The following CADPS2 variants were observed in gnomAD, a reference collection of about 807,000 sequenced individuals.
CADPS2 encodes the protein calcium-dependent secretion activator 2.
CADPS2 carries 93 observed loss-of-function variants against 172.5 expected under a neutral mutation model. That is an observed-to-expected ratio of 0.54 (90% CI 0.46 to 0.64). The LOEUF (loss-of-function observed/expected upper bound fraction) is 0.64, where lower values mean the gene tolerates loss of function less well. CADPS2 is among the 30% of genes least tolerant of loss of function. The probability of loss-of-function intolerance (pLI) is 0.00; values close to 1 mark genes in which losing one functional copy is unlikely to be tolerated. For missense variants in CADPS2, 1,420 were observed against 1,565.9 expected, an observed-to-expected ratio of 0.91 and a Z score of 1.57; for synonymous variants, 546 against 555.2, an observed-to-expected ratio of 0.98 and a Z score of 0.23.
At chr7:122,406,104 C>T (rs2046606217) in intron 20 of CADPS2, among the ~76,000 whole-genome samples, 1 of 152,090 alleles carries the variant, frequency 6.6e-6, no homozygotes, top group South Asian at 2.1e-4. Context: ...AACCTGGTGC[C>T]CTAAATTTAG....
rs1158108393 is a variant in CADPS2, at chr7:122,564,832, CACAT to C, written c.1336-10147_1336-10144del. Among the ~76,000 whole-genome samples the C allele has an allele frequency of 5.3e-5, 6 of 113,906 alleles. No individual in the cohort carries two copies. In the East Asian group the frequency reaches 1.0e-3, roughly 20 times the overall value. The allele number at this position is 113,906 out of a possible 152,430, so 74.7% of individuals were successfully genotyped here. On this transcript the variant is annotated intron_variant, in intron 7 of 29. Transcript: ENST00000449022. ...AAACATATGTGTGTACACAGACACA[CACAT>C]ACACACACATGCACACACACACACA... is the stretch of plus-strand genomic sequence containing the variant.
At chr7:122,737,154 A>G (rs2092214807) in intron 1 of CADPS2, 86 bp from the exon 2 acceptor site, 1 of 688,820 alleles carries the variant, frequency 1.5e-6, no homozygotes, top group African/African-American at 1.8e-5. Flanking sequence ...GCTGTATATT[A>G]GATTTCACAT....
At chr7:122,766,688 C>T (rs924934012) in intron 1 of CADPS2, among the ~76,000 whole-genome samples, 4 of 152,082 alleles carry the variant, frequency 2.6e-5, no homozygotes, top group Non-Finnish European at 4.4e-5. Flanking sequence ...AAAAGTAAAG[C>T]TCAAGCAGTG....
intron 2 of CADPS2, chr7:122,702,933 T>A: frequency 1.9e-6 from 1 of 537,420 alleles, no homozygotes; most frequent in South Asian, 2.9e-5. Flanking sequence ...ATCTTTCTCA[T>A]AATGAAACAA....
At chr7:122,562,827 C>T (rs1377587339) in intron 7 of CADPS2, among the ~76,000 whole-genome samples, 2 of 152,008 alleles carry the variant, frequency 1.3e-5, no homozygotes, top group African/African-American at 4.8e-5. Flanking sequence ...GCTTAATTTT[C>T]TCTCATTTTG....
chr7:122,866,306 C>T (rs1009199650), intron 1 of CADPS2, among the ~76,000 whole-genome samples: 3 of 152,158 alleles, frequency 2.0e-5, no homozygotes, highest in African/African-American at 7.2e-5. Flanking sequence ...TTAACCATTG[C>T]TATAGTCTCC....
At chr7:122,615,151 A>ACAG in intron 6 of CADPS2, 30 bp downstream of exon 6, 2 of 1,327,204 alleles carry the variant, frequency 1.5e-6, no homozygotes, top group Non-Finnish European at 2.1e-6. Flanking sequence ...ACAAACAACA[A>ACAG]CAATAATACA....
chr7:122,486,720 T>C (rs978699064), intron 11 of CADPS2, among the ~76,000 whole-genome samples: 28 of 152,182 alleles, frequency 1.8e-4, no homozygotes, highest in African/African-American at 5.8e-4. Flanking sequence ...GGCAAAATGA[T>C]AGCAAACAGC....
intron 1 of CADPS2, among the ~76,000 whole-genome samples, chr7:122,840,334 T>C (rs894409958): frequency 1.6e-4 from 24 of 151,788 alleles, no homozygotes; most frequent in African/African-American, 5.6e-4. Flanking sequence ...ATGTAAATGA[T>C]GAGTTAATGG....
At chr7:122,657,322 G>A (rs2079928521) in intron 3 of CADPS2, among the ~76,000 whole-genome samples, 1 of 152,156 alleles carries the variant, frequency 6.6e-6, no homozygotes, top group Non-Finnish European at 1.5e-5. Context: ...GAACTTTAAA[G>A]TAGTGCTTTC....
chr7:122,419,350 T>G (rs1287400735), intron 17 of CADPS2, among the ~76,000 whole-genome samples: 1 of 152,220 alleles, frequency 6.6e-6, no homozygotes, highest in African/African-American at 2.4e-5. Context: ...CTCAAATAAC[T>G]GACAAATGTT....
intron 2 of CADPS2, among the ~76,000 whole-genome samples, chr7:122,708,674 T>A (rs2088080940): frequency 6.6e-6 from 1 of 151,268 alleles, no homozygotes; most frequent in African/African-American, 2.4e-5. Flanking sequence ...TAAATTGTAA[T>A]GGGCATAAAT....
intron 1 of CADPS2, among the ~76,000 whole-genome samples, chr7:122,854,883 C>T (rs1814736944): frequency 6.6e-6 from 1 of 152,114 alleles, no homozygotes; most frequent in Admixed American, 6.5e-5. Context: ...AGGAATCATG[C>T]CCTTCAAAAT....
chr7:122,541,488 G>A (rs1485697053), intron 8 of CADPS2, among the ~76,000 whole-genome samples: 4 of 143,858 alleles, frequency 2.8e-5, no homozygotes, highest in Non-Finnish European at 6.0e-5. Flanking sequence ...TTACAGGCAT[G>A]TGTCATTGTG....
chr7:122,881,195 A>C lies in CADPS2; in HGVS notation c.339+4804T>G, dbSNP rs186471148. Among the ~76,000 whole-genome samples, 26 of 152,332 alleles carry C rather than the reference A, an allele frequency of 1.7e-4. No homozygotes were observed. In the East Asian group the frequency reaches 4.4e-3, roughly 26 times the overall value. On this transcript the variant is annotated intron_variant, in intron 1 of 29. Coordinates refer to ENST00000449022, the MANE Select transcript of CADPS2 (RefSeq NM_017954.11). ...TGAATGAAGAGAGCTGTTTCCATTA[A>C]AGGCAAACAAAACGAAACTGAAAAG...
At chr7:122,321,309 G>A (rs1204984099) in intron 29 of CADPS2, among the ~76,000 whole-genome samples, 1 of 152,066 alleles carries the variant, frequency 6.6e-6, no homozygotes. Context: ...TGGGACCACA[G>A]GTGTGTGCTA....
At chr7:122,569,656 A>C in intron 7 of CADPS2, among the ~76,000 whole-genome samples, 1 of 140,728 alleles carries the variant, frequency 7.1e-6, no homozygotes, top group Non-Finnish European at 1.5e-5. Context: ...AGTAACCAAA[A>C]CAGCATGGTA....
At chr7:122,399,964 G>A (rs1458713451) in intron 20 of CADPS2, among the ~76,000 whole-genome samples, 1 of 147,284 alleles carries the variant, frequency 6.8e-6, no homozygotes, top group Non-Finnish European at 1.5e-5. Context: ...GTGAGCCACC[G>A]CGCCCGGCCA....
At chr7:122,564,585 G>A (rs1242899973) in intron 7 of CADPS2, among the ~76,000 whole-genome samples, 2 of 152,020 alleles carry the variant, frequency 1.3e-5, no homozygotes, top group Non-Finnish European at 2.9e-5. Flanking sequence ...GGGATTACAG[G>A]TGTGAGCCAC....
Sources: gnomAD v4.1 joint callset for allele counts (sites outside exome capture counted in the v4.1 genomes callset) on GRCh38, gnomAD v4.1.1 for gene constraint, MANE v1.5 for transcripts, NCBI Gene and HGNC (gene_info 2026-07-23, HGNC 2026-07-21) for gene names.